RBCK1: variants seen among roughly 807,000 people sequenced by gnomAD.
The protein encoded by RBCK1 is ranBP-type and C3HC4-type zinc finger-containing protein 1.
A neutral mutation model predicts 71.1 loss-of-function variants in RBCK1; 44 were observed. The ratio of observed to expected loss-of-function variants is 0.62; its 90% CI spans 0.49 to 0.80. The LOEUF is 0.80. RBCK1 is among the 30% of genes least tolerant of loss of function. The pLI is 0.00. For missense variants in RBCK1, 569 were observed against 685.0 expected, an observed-to-expected ratio of 0.83 and a Z score of 1.89; for synonymous variants, 306 against 279.7, an observed-to-expected ratio of 1.09 and a Z score of -0.94.
At chr20:416,670 A>G (rs1338123840) in intron 2 of RBCK1, among the ~76,000 whole-genome samples, 1 of 152,188 alleles carries the variant, frequency 6.6e-6, no homozygotes, top group Non-Finnish European at 1.5e-5. Flanking sequence ...AAGAAAGTTA[A>G]AACCACTTTC....
chr20:431,736 T>C lies in RBCK1; in HGVS notation c.*1306T>C, dbSNP rs2017020418. On this transcript the variant is annotated 3_prime_UTR_variant, in exon 12 of 12. Coordinates refer to ENST00000356286, the MANE Select transcript of RBCK1 (RefSeq NM_031229.4). This position sits in a 1 kb window ranked among gnomAD's most constrained non-coding sequence, Gnocchi z 4.8. ...TCTGAGAATGTGTGAGTGGACTGGG[T>C]CCTTCGGCACTGCCTGCATTGGCTC... Among the ~76,000 whole-genome samples the C allele has an allele frequency of 6.6e-6, 1 of 152,182 alleles. No homozygotes were observed. The highest frequency in any genetic ancestry group is 2.1e-4 in the South Asian group (1 of 4,830).
intron 8 of RBCK1, among the ~76,000 whole-genome samples, chr20:426,415 C>T (rs6051942): frequency 0.09 from 13,704 of 151,944 alleles, 887 homozygotes; most frequent in African/African-American, 0.19. Flanking sequence ...TCAGTTGTTT[C>T]GATTTTTAGC....
intron 1 of RBCK1, among the ~76,000 whole-genome samples, chr20:409,424 C>T (rs2015562608): frequency 6.6e-6 from 1 of 152,116 alleles, no homozygotes; most frequent in African/African-American, 2.4e-5. Flanking sequence ...CCCTGGTCTC[C>T]TTAACCTGTT....
chr20:420,963 C>G lies in RBCK1; in HGVS notation c.849C>G (p.Pro283=), dbSNP rs771238122. 1.3e-6 allele frequency: 2 copies of G among 1,560,748 alleles called. No individual in the cohort carries two copies. The highest frequency in any genetic ancestry group is 8.7e-7 in the Non-Finnish European group (1 of 1,153,840). ...TGAACACGGAGCCCGCCGAGTGCCC[C>G]GTGTGCTACTCGGTGCTGGCGCCCG... The part of the protein sequence containing the change: ...LVLNTEPAEC[P]VCYSVLAPGE... Residue 283 remains proline, a synonymous_variant, in exon 7 of 12, where the codon CCC becomes CCG. Coordinates refer to ENST00000356286, the MANE Select transcript of RBCK1 (RefSeq NM_031229.4).
At chr20:408,845 T>G in intron 1 of RBCK1, 66 bp downstream of exon 1, 1 of 1,567,736 alleles carries the variant, frequency 6.4e-7, no homozygotes, top group Non-Finnish European at 8.7e-7. Context: ...GACCTGGCCT[T>G]GCCCCTGGCC....
At chr20:429,637 G>A (rs1452006990) in intron 11 of RBCK1, among the ~76,000 whole-genome samples, 1 of 152,232 alleles carries the variant, frequency 6.6e-6, no homozygotes, top group African/African-American at 2.4e-5. Context: ...GTGCTTTGGA[G>A]CACAGCCGTG....
At chr20:410,495 C>A (rs895883551) in intron 2 of RBCK1, 2 of 779,810 alleles carry the variant, frequency 2.6e-6, no homozygotes, top group Middle Eastern at 2.3e-4. Flanking sequence ...CCCCTCCACA[C>A]TCTTCTAAAG....
intron 2 of RBCK1, among the ~76,000 whole-genome samples, chr20:412,067 C>A (rs2015741539): frequency 6.6e-6 from 1 of 152,194 alleles, no homozygotes; most frequent in Non-Finnish European, 1.5e-5. Flanking sequence ...GACAGTTTTC[C>A]AAAGTGGCTG....
At chr20:429,116 T>C in intron 11 of RBCK1, 22 bp downstream of exon 11, 3 of 1,599,918 alleles carry the variant, frequency 1.9e-6, no homozygotes, top group Non-Finnish European at 1.7e-6. Flanking sequence ...CTCGTGGTGG[T>C]GTGGAGAGGG....
intron 7 of RBCK1, among the ~76,000 whole-genome samples, chr20:421,559 C>T (rs932377634): frequency 6.6e-6 from 1 of 152,182 alleles, no homozygotes. Context: ...ACATACAGTA[C>T]ATTAAGAGAC....
At position 430,273 on chromosome 20, in the gene RBCK1, G is replaced by A. The variant is rs543518086; in HGVS notation, c.1453-77G>A. ...GGAGGACCTGCAGAGGCAAAGGCCC[G>A]GGGTGGGAGAGCGCTCGGCTGTGGG... On this transcript the variant is annotated intron_variant, in intron 11 of 11. Transcript: ENST00000356286. The surrounding 1 kb of genome is among the most constrained non-coding windows in gnomAD (Gnocchi z 5.6). 4.1e-5 allele frequency: 54 copies of A among 1,332,488 alleles called. No homozygotes were observed. The African/African-American group carries it at 4.3e-4, about 11-fold the overall frequency. The allele number at this position is 1,332,488 out of a possible 1,614,324, so 82.5% of individuals were successfully genotyped here.
chr20:428,981 TGCC>T lies in RBCK1; in HGVS notation c.1340_1342del (p.Cys447_Pro448delinsSer). On this transcript the variant is annotated inframe_deletion, in exon 11 of 12. Transcript: ENST00000356286. The surrounding 1 kb of genome is among the most constrained non-coding windows in gnomAD (Gnocchi z 5.7). ...GCTGCAGCAGGGCGAGGCCATGCGC[TGCC>T]CCCAGTGCCAGATCGTGGTACAGAA... The T allele has an allele frequency of 6.2e-7, 1 of 1,611,166 alleles. No homozygotes were observed. Among genetic ancestry groups the T allele is most frequent in the Non-Finnish European group, 8.5e-7 (1 of 1,179,866 alleles).
chr20:430,471 C>A lies in RBCK1; in HGVS notation c.*41C>A. 1 of 1,547,520 alleles carries A rather than the reference C, an allele frequency of 6.5e-7. No individual in the cohort carries two copies. The highest frequency in any genetic ancestry group is 8.9e-7 in the Non-Finnish European group (1 of 1,119,780). On this transcript the variant is annotated 3_prime_UTR_variant, in exon 12 of 12. Coordinates refer to ENST00000356286, the MANE Select transcript of RBCK1 (RefSeq NM_031229.4). The surrounding 1 kb of genome is among the most constrained non-coding windows in gnomAD (Gnocchi z 5.6). The stretch of plus-strand genomic sequence containing the variant: ...GCCACATGCTGACCCAGCCCCACAT[C>A]CACATTCTGTTAGAATGTAGCTCAG...
rs1186546047 is a variant in RBCK1, at chr20:420,863, G to C, written c.757-8G>C. ...GACCCGCCCCGTGGCCCCGCCCCGT[G>C]TGCCCAGCGGAAGCAGCAGCAGCAG... On this transcript the variant is annotated splice_region_variant and splice_polypyrimidine_tract_variant and intron_variant, in intron 6 of 11. Coordinates refer to ENST00000356286, the MANE Select transcript of RBCK1 (RefSeq NM_031229.4). The C allele has an allele frequency of 4.5e-6, 7 of 1,547,190 alleles. No homozygotes were observed. Among genetic ancestry groups the C allele is most frequent in the Non-Finnish European group, 5.2e-6 (6 of 1,148,448 alleles).
Position 417,424 on chromosome 20 carries a change from C to A in RBCK1, c.168-102C>A. On this transcript the variant is annotated intron_variant, in intron 2 of 11. Coordinates refer to ENST00000356286, the MANE Select transcript of RBCK1 (RefSeq NM_031229.4). The surrounding 1 kb of genome is among the most constrained non-coding windows in gnomAD (Gnocchi z 4.7). Reference sequence around the variant, plus strand: ...GTGTGTGTGTGTGTGTGTGTGTGTGCATGGCCATGTGCCTGTGTGCAAATA... The same window carrying A: ...GTGTGTGTGTGTGTGTGTGTGTGTGAATGGCCATGTGCCTGTGTGCAAATA... The A allele has an allele frequency of 1.1e-5, 9 of 853,092 alleles. No homozygotes were observed. The highest frequency in any genetic ancestry group is 1.6e-5 in the Non-Finnish European group (8 of 510,946). 52.8% of individuals were successfully genotyped at this position (853,092 alleles called of 1,614,324 possible). A position where few individuals can be genotyped will look rare whatever the true frequency, so the allele number is the denominator to read the frequency against.
intron 2 of RBCK1, chr20:410,758 A>G (rs2015660905): frequency 6.2e-6 from 3 of 481,738 alleles, no homozygotes; most frequent in Middle Eastern, 5.4e-4. Flanking sequence ...ATTAGTGTCT[A>G]TCGTTATTTT....
At position 420,910 on chromosome 20, in the gene RBCK1, G is replaced by A. The variant is rs1442291970; in HGVS notation, c.796G>A (p.Val266Ile). 6.4e-7 allele frequency: 1 copy of A among 1,553,776 alleles called. No homozygotes were observed. The highest frequency in any genetic ancestry group is 1.2e-5 in the South Asian group (1 of 84,476). The change falls in exon 7 of 12, where the codon GTC (valine) becomes ATC (isoleucine). Residue 266 changes from valine to isoleucine, a missense_variant. By Grantham distance (29) the Val-to-Ile change is conservative. Around this residue, in one of 2 missense-constraint regions of RBCK1, gnomAD observed 358 missense variants for 375.6 expected, o/e 0.95. Coordinates refer to ENST00000356286, the MANE Select transcript of RBCK1 (RefSeq NM_031229.4). ...QQQEGNYLQHVQLDQRSLVLN... is the reference protein window; with the variant it reads ...QQQEGNYLQHIQLDQRSLVLN... ...GCAGGAGGGGAACTACCTGCAGCAC[G>A]TCCAGCTGGACCAGAGGAGCCTGGT...
rs758900894 is a variant in RBCK1 at position 430,444 on chromosome 20, G to A, written c.*14G>A. 6.3e-7 allele frequency: 1 copy of A among 1,597,906 alleles called. No homozygotes were observed. Among genetic ancestry groups the A allele is most frequent in the Non-Finnish European group, 8.6e-7 (1 of 1,165,378 alleles). The stretch of plus-strand genomic sequence containing the variant: ...AACTGCCACTGAGCTAAAGATGGTG[G>A]GGCCACATGCTGACCCAGCCCCACA... On this transcript the variant is annotated 3_prime_UTR_variant, in exon 12 of 12. Coordinates refer to ENST00000356286, the MANE Select transcript of RBCK1 (RefSeq NM_031229.4). The surrounding 1 kb of genome is among the most constrained non-coding windows in gnomAD (Gnocchi z 5.6).
rs1203296662 is a variant in RBCK1 at position 422,824 on chromosome 20, CT to C, written c.1029+588del. On this transcript the variant is annotated intron_variant, in intron 8 of 11. Transcript: ENST00000356286. The surrounding 1 kb of genome is among the most constrained non-coding windows in gnomAD (Gnocchi z 5.0). ...TCCAGCCTGGGCAACAGAGTGAGAC[CT>C]TGCCTCAAAAAAAGAAAAAAAAAAT... is the stretch of plus-strand genomic sequence containing the variant. Among the ~76,000 whole-genome samples the C allele has an allele frequency of 6.6e-6, 1 of 151,602 alleles. No individual in the cohort carries two copies. Among genetic ancestry groups the C allele is most frequent in the Non-Finnish European group, 1.5e-5 (1 of 67,924 alleles).
Sources: gnomAD v4.1 joint callset for allele counts (sites outside exome capture counted in the v4.1 genomes callset) on GRCh38, gnomAD v4.1.1 for gene constraint, gnomAD v4.1.1 regional missense constraint, Gnocchi (gnomAD v3.1) non-coding constraint, MANE v1.5 for transcripts, NCBI Gene and HGNC (gene_info 2026-07-23, HGNC 2026-07-21) for gene names.